The following PARN variants were observed in gnomAD, a reference collection of about 807,000 sequenced individuals.
PARN encodes poly(A)-specific ribonuclease PARN.
PARN carries 71 observed loss-of-function variants against 102.8 expected under a neutral mutation model. The observed-to-expected ratio is 0.69, with a 90% CI of 0.57 to 0.84. The LOEUF (loss-of-function observed/expected upper bound fraction) is 0.84, where lower values mean the gene tolerates loss of function less well. Among genes scored for constraint, PARN ranks in the 40% least tolerant of loss-of-function variants. The pLI, the probability that PARN is intolerant of heterozygous loss-of-function variation, is 0.00. For synonymous variants in PARN, 261 were observed against 252.9 expected (o/e 1.03, Z -0.30); for missense variants, 782 against 760.9 (o/e 1.03, Z -0.33).
At chr16:14,460,183 GAA>G (rs1961886830) in intron 22 of PARN, among the ~76,000 whole-genome samples, 1 of 152,084 alleles carries the variant, frequency 6.6e-6, no homozygotes. Context: ...ATCCTACACA[GAA>G]AGACCATCAA....
intron 22 of PARN, among the ~76,000 whole-genome samples, chr16:14,472,733 T>C (rs767735061): frequency 2.0e-5 from 3 of 152,230 alleles, no homozygotes; most frequent in Admixed American, 6.5e-5. Context: ...AGCAACATTA[T>C]ACATGCAAAA....
chr16:14,506,532 T>C (rs528220542), intron 21 of PARN, among the ~76,000 whole-genome samples: 1 of 152,372 alleles, frequency 6.6e-6, no homozygotes, highest in South Asian at 2.1e-4. Flanking sequence ...CAAACTGTTA[T>C]GTCTCTGACT....
At chr16:14,438,798 A>G (rs1960822664) in intron 23 of PARN, among the ~76,000 whole-genome samples, 1 of 152,194 alleles carries the variant, frequency 6.6e-6, no homozygotes, top group South Asian at 2.1e-4. Flanking sequence ...GTCTACCTGT[A>G]CAGCTGCTGA....
intron 7 of PARN, 39 bp downstream of exon 7, chr16:14,610,605 A>T: frequency 7.6e-7 from 1 of 1,317,856 alleles, no homozygotes; most frequent in Non-Finnish European, 1.1e-6. Context: ...CCCAATATAT[A>T]GCACACAATG....
intron 18 of PARN, among the ~76,000 whole-genome samples, chr16:14,576,595 C>G (rs1374082377): frequency 2.0e-5 from 3 of 152,184 alleles, no homozygotes; most frequent in Admixed American, 6.5e-5. Context: ...ACCAAAGGAT[C>G]TTAACATTAA....
At chr16:14,498,138 A>G (rs893655938) in intron 21 of PARN, among the ~76,000 whole-genome samples, 2 of 151,922 alleles carry the variant, frequency 1.3e-5, no homozygotes, top group Non-Finnish European at 2.9e-5. Flanking sequence ...AAAAAAAAAA[A>G]AAAAAGAATT....
intron 12 of PARN, among the ~76,000 whole-genome samples, chr16:14,598,875 A>C (rs886784022): frequency 4.6e-5 from 7 of 152,118 alleles, no homozygotes; most frequent in Admixed American, 4.6e-4. Flanking sequence ...AAAGTTCAGC[A>C]TCTAAGGTAT....
At chr16:14,443,858 C>A (rs568633440) in intron 23 of PARN, among the ~76,000 whole-genome samples, 5,377 of 152,228 alleles carry the variant, frequency 0.035, 132 homozygotes, top group Non-Finnish European at 0.05. Flanking sequence ...TGCTGAGATG[C>A]TTTTCTGAGT....
chr16:14,611,686 G>A (rs1460400940), intron 6 of PARN, among the ~76,000 whole-genome samples: 2 of 152,138 alleles, frequency 1.3e-5, no homozygotes, highest in African/African-American at 2.4e-5. Context: ...AATTACAAGC[G>A]TGCACCATCA....
At chr16:14,525,938 C>T (rs1304186985) in intron 21 of PARN, among the ~76,000 whole-genome samples, 3 of 151,976 alleles carry the variant, frequency 2.0e-5, no homozygotes, top group Non-Finnish European at 4.4e-5. Flanking sequence ...CCAACCTCAG[C>T]CTCCCGAGTA....
intron 18 of PARN, among the ~76,000 whole-genome samples, chr16:14,565,724 T>C (rs1202394686): frequency 6.6e-6 from 1 of 152,230 alleles, no homozygotes; most frequent in Non-Finnish European, 1.5e-5. Context: ...TTGTCCCTTA[T>C]AGACACTGTG....
intron 5 of PARN, among the ~76,000 whole-genome samples, chr16:14,618,489 G>C (rs111513718): frequency 7.0e-6 from 1 of 142,204 alleles, no homozygotes; most frequent in Non-Finnish European, 1.5e-5. Context: ...GCAAGACTCT[G>C]TCTCAAAAAA....
intron 5 of PARN, among the ~76,000 whole-genome samples, chr16:14,617,899 G>T (rs1268987363): frequency 6.6e-6 from 1 of 152,060 alleles, no homozygotes; most frequent in African/African-American, 2.4e-5. Context: ...TATAGACAGG[G>T]TCTCACTATG....
At chr16:14,485,471 C>T (rs988180505) in intron 21 of PARN, among the ~76,000 whole-genome samples, 1 of 152,176 alleles carries the variant, frequency 6.6e-6, no homozygotes, top group African/African-American at 2.4e-5. Context: ...AAAGGTCACC[C>T]TGTCACATAC....
intron 22 of PARN, among the ~76,000 whole-genome samples, chr16:14,450,548 G>A (rs1050683731): frequency 2.0e-5 from 3 of 151,842 alleles, no homozygotes; most frequent in Non-Finnish European, 2.9e-5. Context: ...ATATATATAC[G>A]TATATTTATG....
intron 21 of PARN, among the ~76,000 whole-genome samples, chr16:14,497,523 C>A (rs1032121047): frequency 2.0e-5 from 3 of 152,198 alleles, no homozygotes; most frequent in Admixed American, 1.3e-4. Context: ...TTGGACCTAG[C>A]TAACTTTGGC....
Position 14,586,305 on chromosome 16 carries a change from A to G in PARN, c.962+13T>C. ...TTTTTTAAAAGAAAGACAAATCCTC[A>G]AAGAAAGCTTACCTGGGGAAAACAC... On this transcript the variant is annotated intron_variant, in intron 14 of 23. Coordinates refer to ENST00000437198, the MANE Select transcript of PARN (RefSeq NM_002582.4). 1 of 1,524,428 alleles carries G rather than the reference A, an allele frequency of 6.6e-7. No individual in the cohort carries two copies. The highest frequency in any genetic ancestry group is 1.4e-5 in the African/African-American group (1 of 72,948). 94.4% of individuals were successfully genotyped at this position (1,524,428 alleles called of 1,614,324 possible).
intron 22 of PARN, among the ~76,000 whole-genome samples, chr16:14,477,475 C>T (rs1963129011): frequency 6.8e-6 from 1 of 147,686 alleles, no homozygotes; most frequent in African/African-American, 2.5e-5. Context: ...TACCAAAACT[C>T]GACAAAGACT....
intron 21 of PARN, among the ~76,000 whole-genome samples, chr16:14,525,885 C>T (rs1455935711): frequency 6.6e-6 from 1 of 152,174 alleles, no homozygotes; most frequent in Admixed American, 6.5e-5. Context: ...GTGGTGCGAT[C>T]CTGGCTCACT....
Sources: gnomAD v4.1 joint callset for allele counts (sites outside exome capture counted in the v4.1 genomes callset) on GRCh38, gnomAD v4.1.1 for gene constraint, MANE v1.5 for transcripts, NCBI Gene and HGNC (gene_info 2026-07-23, HGNC 2026-07-21) for gene names.